Variants in FHIP1A observed in about 807,000 individuals in gnomAD.
FHIP1A encodes FHF complex subunit HOOK-interacting protein 1A.
In FHIP1A, 61 loss-of-function variants were observed where a neutral mutation model predicts 88.6. The observed-to-expected ratio is 0.69, with a 90% CI of 0.56 to 0.85. The LOEUF (loss-of-function observed/expected upper bound fraction) is 0.85, where lower values mean the gene tolerates loss of function less well. FHIP1A is among the 40% of genes least tolerant of loss of function. FHIP1A has a pLI of 0.00. For synonymous variants in FHIP1A, 478 were observed against 496.0 expected (o/e 0.96, Z 0.48); for missense variants, 1,154 against 1,273.5 (o/e 0.91, Z 1.43).
At chr4:151,583,632 A>G (rs1402242617) in intron 5 of FHIP1A, among the ~76,000 whole-genome samples, 1 of 152,232 alleles carries the variant, frequency 6.6e-6, no homozygotes, top group Non-Finnish European at 1.5e-5. Flanking sequence ...GTCTTTATGA[A>G]TTCATCCTCA....
chr4:151,544,146 A>G (rs552881629), intron 3 of FHIP1A, among the ~76,000 whole-genome samples: 2 of 152,336 alleles, frequency 1.3e-5, no homozygotes, highest in African/African-American at 2.4e-5. Flanking sequence ...AAACTGGAGG[A>G]CACGGGACAA....
At chr4:151,600,642 C>T (rs898887173) in intron 7 of FHIP1A, among the ~76,000 whole-genome samples, 1 of 152,178 alleles carries the variant, frequency 6.6e-6, no homozygotes, top group Admixed American at 6.5e-5. Context: ...GGGGACAGCT[C>T]ATCACTGCTC....
intron 3 of FHIP1A, among the ~76,000 whole-genome samples, chr4:151,515,322 C>A (rs947045654): frequency 3.3e-5 from 5 of 151,158 alleles, no homozygotes; most frequent in Non-Finnish European, 5.9e-5. Flanking sequence ...TAAGAGCTAT[C>A]TATGACAAAC....
At chr4:151,618,977 A>G (rs1735642678) in intron 7 of FHIP1A, among the ~76,000 whole-genome samples, 2 of 152,224 alleles carry the variant, frequency 1.3e-5, no homozygotes, top group African/African-American at 2.4e-5. Flanking sequence ...CACCCAGGGT[A>G]GAAGGTTATG....
intron 3 of FHIP1A, among the ~76,000 whole-genome samples, chr4:151,488,320 C>T (rs958213292): frequency 6.6e-6 from 1 of 152,104 alleles, no homozygotes; most frequent in Non-Finnish European, 1.5e-5. Context: ...GCTCTTTCCC[C>T]CCTCACTCTC....
At chr4:151,640,975 C>G (rs1736565715) in intron 9 of FHIP1A, among the ~76,000 whole-genome samples, 1 of 151,700 alleles carries the variant, frequency 6.6e-6, no homozygotes, top group Non-Finnish European at 1.5e-5. Context: ...CAGGGATAGT[C>G]ATTTCTAGGG....
intron 2 of FHIP1A, among the ~76,000 whole-genome samples, chr4:151,475,237 G>A (rs757367003): frequency 2.0e-5 from 3 of 152,062 alleles, no homozygotes; most frequent in Non-Finnish European, 2.9e-5. Context: ...TGAGCAACAG[G>A]GAAAGCAGAG....
chr4:151,443,685 CTG>C (rs57147339), intron 1 of FHIP1A, among the ~76,000 whole-genome samples: 14,499 of 121,984 alleles, frequency 0.12, 1,218 homozygotes, highest in East Asian at 0.4. Flanking sequence ...ATGAAGCACT[CTG>C]TGTGTGTGTG....
chr4:151,509,329 A>T (rs1580647831), intron 3 of FHIP1A, among the ~76,000 whole-genome samples: 10 of 150,954 alleles, frequency 6.6e-5, no homozygotes, highest in Admixed American at 6.6e-4. Flanking sequence ...CACCTGGTTA[A>T]TTTTTTTTTG....
intron 2 of FHIP1A, among the ~76,000 whole-genome samples, chr4:151,474,113 G>A (rs908058473): frequency 5.9e-5 from 9 of 152,174 alleles, no homozygotes; most frequent in African/African-American, 9.7e-5. Context: ...TATTTAGAAG[G>A]TTATGAGCAA....
At chr4:151,434,303 G>A (rs967029750) in intron 1 of FHIP1A, among the ~76,000 whole-genome samples, 25 of 151,986 alleles carry the variant, frequency 1.6e-4, no homozygotes, top group African/African-American at 5.6e-4. Context: ...AGGATTAGAT[G>A]GGAATTAATA....
chr4:151,627,501 G>A (rs1735995911), intron 7 of FHIP1A, among the ~76,000 whole-genome samples: 1 of 152,194 alleles, frequency 6.6e-6, no homozygotes, highest in African/African-American at 2.4e-5. Flanking sequence ...CCATAGATAA[G>A]CTGAAAATAT....
chr4:151,560,573 CT>C (rs1420647880), intron 3 of FHIP1A, among the ~76,000 whole-genome samples: 1 of 152,068 alleles, frequency 6.6e-6, no homozygotes, highest in East Asian at 1.9e-4. Flanking sequence ...CCTTAGTCAA[CT>C]TTTAGGGTTT....
At chr4:151,552,481 G>A (rs1370107896) in intron 3 of FHIP1A, among the ~76,000 whole-genome samples, 1 of 152,160 alleles carries the variant, frequency 6.6e-6, no homozygotes, top group Non-Finnish European at 1.5e-5. Context: ...ATACACCATG[G>A]AATACTATGC....
chr4:151,476,963 A>T (rs1729730596), intron 2 of FHIP1A, among the ~76,000 whole-genome samples: 1 of 152,198 alleles, frequency 6.6e-6, no homozygotes, highest in Non-Finnish European at 1.5e-5. Flanking sequence ...GCGTTTAAAA[A>T]TGCTCCTGAT....
intron 11 of FHIP1A, among the ~76,000 whole-genome samples, chr4:151,652,769 CAGG>C (rs1185021882): frequency 6.6e-6 from 1 of 152,142 alleles, no homozygotes; most frequent in African/African-American, 2.4e-5. Context: ...GAGGAGACAC[CAGG>C]AGGAGACTGA....
rs569126288 is a variant in FHIP1A, at chr4:151,545,369, C to CTTT, written c.-122-20745_-122-20743dup. Among the ~76,000 whole-genome samples, 687 of 81,688 alleles carry CTTT rather than the reference C, an allele frequency of 8.4e-3. 79 individuals are homozygous for CTTT. The highest frequency in any genetic ancestry group is 0.012 in the Non-Finnish European group (512 of 43,708). 53.6% of individuals were successfully genotyped at this position (81,688 alleles called of 152,430 possible). On this transcript the variant is annotated intron_variant, in intron 3 of 13. Coordinates refer to ENST00000435205, the MANE Select transcript of FHIP1A (RefSeq NM_001109977.3). ...CAAGGCAAAATATTTCCTTATCCTT[C>CTTT]TTTTTTTTTTTTTTTTTTTTTTTTT...
At chr4:151,630,895 C>G (rs1736135229) in intron 8 of FHIP1A, among the ~76,000 whole-genome samples, 1 of 152,166 alleles carries the variant, frequency 6.6e-6, no homozygotes, top group Admixed American at 6.5e-5. Flanking sequence ...AATTGACACA[C>G]TTCTAATCAG....
intron 2 of FHIP1A, among the ~76,000 whole-genome samples, chr4:151,465,495 A>T (rs1021792219): frequency 1.3e-5 from 2 of 152,232 alleles, no homozygotes; most frequent in African/African-American, 4.8e-5. Context: ...CAATTGAAAA[A>T]GGAGGGACTC....
Sources: allele counts gnomAD v4.1 joint callset (sites outside exome capture counted in the v4.1 genomes callset), GRCh38; gene constraint gnomAD v4.1.1; transcripts MANE v1.5; gene names NCBI Gene and HGNC (gene_info 2026-07-23, HGNC 2026-07-21).